The following ULK4 variants were observed in gnomAD, a reference collection of about 807,000 sequenced individuals.
ULK4 encodes inactive serine/threonine-protein kinase ULK4.
In ULK4, 133 loss-of-function variants were observed where a neutral mutation model predicts 160.6. That is an observed-to-expected ratio of 0.83 (90% CI 0.72 to 0.96). ULK4 has a LOEUF of 0.96. Ranked by LOEUF, ULK4 falls within the 40% of genes least tolerant of loss-of-function variation. The probability of loss-of-function intolerance (pLI) is 0.00; values close to 1 mark genes in which losing one functional copy is unlikely to be tolerated. For synonymous variants in ULK4, 534 were observed against 539.8 expected (o/e 0.99, Z 0.15); for missense variants, 1,580 against 1,499.5 (o/e 1.05, Z -0.89).
At chr3:41,346,585 A>G (rs1043107416) in intron 35 of ULK4, among the ~76,000 whole-genome samples, 1 of 152,194 alleles carries the variant, frequency 6.6e-6, no homozygotes, top group Non-Finnish European at 1.5e-5. Flanking sequence ...GGAGGCTGAA[A>G]GGGGTATGGA....
intron 32 of ULK4, among the ~76,000 whole-genome samples, chr3:41,536,673 A>G (rs762545105): frequency 5.9e-5 from 9 of 152,188 alleles, no homozygotes; most frequent in Admixed American, 6.5e-5. Context: ...ACATTTACTA[A>G]TAAGTGTAAG....
At chr3:41,604,421 T>C (rs1434277629) in intron 31 of ULK4, among the ~76,000 whole-genome samples, 1 of 152,054 alleles carries the variant, frequency 6.6e-6, no homozygotes, top group African/African-American at 2.4e-5. Context: ...GTAGTTCTGA[T>C]ATAGATGAAA....
At chr3:41,846,992 CAG>C (rs1406477680) in intron 17 of ULK4, among the ~76,000 whole-genome samples, 6 of 152,124 alleles carry the variant, frequency 3.9e-5, no homozygotes, top group Non-Finnish European at 7.4e-5. Flanking sequence ...ATTAACCTAA[CAG>C]AAACTATTCT....
chr3:41,256,879 A>C (rs552467006), intron 35 of ULK4, among the ~76,000 whole-genome samples: 1 of 152,302 alleles, frequency 6.6e-6, no homozygotes, highest in South Asian at 2.1e-4. Flanking sequence ...TATTTTTAGA[A>C]AGAGGGTCTC....
chr3:41,613,767 A>G (rs2032822578), intron 31 of ULK4, among the ~76,000 whole-genome samples: 1 of 152,250 alleles, frequency 6.6e-6, no homozygotes, highest in African/African-American at 2.4e-5. Context: ...GTGATTTCCA[A>G]CACTTTTCTT....
Position 41,506,765 on chromosome 3 carries a change from A to AAAAAAAAAAATATATATATATAT in ULK4, c.3227-43513_3227-43512insATATATATATATATTTTTTTTTT, listed in dbSNP as rs1491135487. Among the ~76,000 whole-genome samples, 27 of 10,462 alleles carry AAAAAAAAAAATATATATATATAT rather than the reference A, an allele frequency of 2.6e-3. 3 individuals are homozygous for AAAAAAAAAAATATATATATATAT. The highest frequency in any genetic ancestry group is 7.3e-3 in the African/African-American group (26 of 3,578). The allele number at this position is 10,462 out of a possible 152,430, so 6.9% of individuals were successfully genotyped here. A position where few individuals can be genotyped will look rare whatever the true frequency, so the allele number is the denominator to read the frequency against. On this transcript the variant is annotated intron_variant, in intron 32 of 36. Coordinates refer to ENST00000301831, the MANE Select transcript of ULK4 (RefSeq NM_017886.4). ...AAAGCAATACACTGGAGTGTGATTT[A>AAAAAAAAAAATATATATATATAT]AAATATATATATATATATATATATA...
chr3:41,751,805 A>G (rs1031907281), intron 22 of ULK4, among the ~76,000 whole-genome samples: 4 of 152,164 alleles, frequency 2.6e-5, no homozygotes, highest in African/African-American at 9.7e-5. Context: ...GATCTGAGGA[A>G]GCCAGTCATG....
At chr3:41,713,921 GA>G (rs934727099) in intron 25 of ULK4, among the ~76,000 whole-genome samples, 9 of 150,096 alleles carry the variant, frequency 6.0e-5, no homozygotes, top group African/African-American at 1.7e-4. Flanking sequence ...TACTACACAT[GA>G]AAAAAAAAGA....
chr3:41,485,720 G>C (rs932728468), intron 32 of ULK4, among the ~76,000 whole-genome samples: 2 of 152,140 alleles, frequency 1.3e-5, no homozygotes, highest in African/African-American at 4.8e-5. Flanking sequence ...AATCAGCAGG[G>C]AGCGCATTTC....
intron 29 of ULK4, among the ~76,000 whole-genome samples, chr3:41,668,996 T>C (rs906937379): frequency 6.6e-6 from 1 of 152,150 alleles, no homozygotes; most frequent in Admixed American, 6.5e-5. Context: ...ATTCTTACTA[T>C]ATAAAGAGCT....
chr3:41,612,257 C>T lies in ULK4; in HGVS notation c.3120+3412G>A, dbSNP rs1281770059. Among the ~76,000 whole-genome samples the T allele has an allele frequency of 4.6e-5, 7 of 152,060 alleles. No homozygotes were observed. In the South Asian group the frequency reaches 1.2e-3, roughly 27 times the overall value. On this transcript the variant is annotated intron_variant, in intron 31 of 36. Coordinates refer to ENST00000301831, the MANE Select transcript of ULK4 (RefSeq NM_017886.4). ...ATTGAGTACACTGACCTAGCCTTCC[C>T]CTTCCCCAAGCTGAACTCCCTCCTC... is the stretch of plus-strand genomic sequence containing the variant.
At chr3:41,258,745 C>T (rs1209357485) in intron 35 of ULK4, among the ~76,000 whole-genome samples, 1 of 152,122 alleles carries the variant, frequency 6.6e-6, no homozygotes, top group African/African-American at 2.4e-5. Flanking sequence ...GCCATTATCT[C>T]ATGCTGCTAA....
chr3:41,644,873 C>A (rs923933780), intron 30 of ULK4, among the ~76,000 whole-genome samples: 7 of 152,220 alleles, frequency 4.6e-5, no homozygotes, highest in Non-Finnish European at 1.0e-4. Context: ...ATTTCAGATA[C>A]TGTTACTGGT....
chr3:41,592,780 A>C (rs1385854452), intron 31 of ULK4, among the ~76,000 whole-genome samples: 1 of 152,222 alleles, frequency 6.6e-6, no homozygotes, highest in Non-Finnish European at 1.5e-5. Context: ...TCTTTATCAT[A>C]TCACTTATGA....
At chr3:41,406,104 CT>C (rs1559576389) in intron 34 of ULK4, among the ~76,000 whole-genome samples, 2 of 152,038 alleles carry the variant, frequency 1.3e-5, no homozygotes. Flanking sequence ...GTTTGAGGTC[CT>C]ACATTTAAAT....
At chr3:41,723,284 C>A (rs1215962593) in intron 22 of ULK4, among the ~76,000 whole-genome samples, 4 of 152,128 alleles carry the variant, frequency 2.6e-5, no homozygotes, top group South Asian at 4.1e-4. Context: ...AGGTCTTTTG[C>A]TCATTCTCCC....
At chr3:41,827,376 G>C (rs964767497) in intron 18 of ULK4, among the ~76,000 whole-genome samples, 3 of 152,068 alleles carry the variant, frequency 2.0e-5, no homozygotes, top group Admixed American at 6.6e-5. Flanking sequence ...CCAGGAGCTG[G>C]TTTTTTGAAA....
chr3:41,464,380 A>G (rs2083773207), intron 32 of ULK4, among the ~76,000 whole-genome samples: 1 of 152,208 alleles, frequency 6.6e-6, no homozygotes, highest in Non-Finnish European at 1.5e-5. Flanking sequence ...AGTCTCACAC[A>G]ACTGCTAAGA....
At chr3:41,412,700 C>T (rs1385278477) in intron 34 of ULK4, among the ~76,000 whole-genome samples, 1 of 151,478 alleles carries the variant, frequency 6.6e-6, no homozygotes, top group Non-Finnish European at 1.5e-5. Flanking sequence ...AACTGGATTA[C>T]AGGCATGCAC....
Sources: allele counts gnomAD v4.1 joint callset (sites outside exome capture counted in the v4.1 genomes callset), GRCh38; gene constraint gnomAD v4.1.1; transcripts MANE v1.5; gene names NCBI Gene and HGNC (gene_info 2026-07-23, HGNC 2026-07-21).